KLHL1: variants seen among roughly 807,000 people sequenced by gnomAD.
KLHL1 encodes the protein kelch-like protein 1.
A neutral mutation model predicts 77.7 loss-of-function variants in KLHL1; 47 were observed. The ratio of observed to expected loss-of-function variants is 0.60; its 90% CI spans 0.48 to 0.77. KLHL1 has a LOEUF of 0.77. Ranked by LOEUF, KLHL1 falls within the 30% of genes least tolerant of loss-of-function variation. The probability of loss-of-function intolerance (pLI) is 0.00; values close to 1 mark genes in which losing one functional copy is unlikely to be tolerated. For synonymous variants in KLHL1, 360 were observed against 325.2 expected (o/e 1.11, Z -1.15); for missense variants, 925 against 910.8 (o/e 1.02, Z -0.20).
chr13:69,708,663 AAATATTTTATATTTTG>A (rs1875740951), intron 9 of KLHL1, among the ~76,000 whole-genome samples: 2 of 152,108 alleles, frequency 1.3e-5, no homozygotes, highest in South Asian at 4.1e-4. Context: ...TACTACATAC[AAATATTTTATATTTTG>A]AGTAGCAAAA....
At position 69,840,698 on chromosome 13, in the gene KLHL1, A is replaced by ATGTATG. The variant is rs755515234; in HGVS notation, c.1228-1537_1228-1536insCATACA. Among the ~76,000 whole-genome samples the ATGTATG allele has an allele frequency of 9.3e-3, 1,357 of 146,318 alleles. 24 individuals carry two copies. Among genetic ancestry groups the ATGTATG allele is most frequent in the African/African-American group, 0.031 (1,247 of 39,606 alleles). On this transcript the variant is annotated intron_variant, in intron 5 of 10. Coordinates refer to ENST00000377844, the MANE Select transcript of KLHL1 (RefSeq NM_020866.3). ...GAACATTAACTTTATATATATATATATATGTATGTATGTATGTATGTATGT... is the reference window on the plus strand; with the variant it reads ...GAACATTAACTTTATATATATATATATGTATGTATGTATGTATGTATGTATGTATGT...
intron 7 of KLHL1, among the ~76,000 whole-genome samples, chr13:69,792,541 C>T (rs1397179640): frequency 6.6e-6 from 1 of 151,910 alleles, no homozygotes; most frequent in Non-Finnish European, 1.5e-5. Flanking sequence ...CTCAATAATC[C>T]CACACCTACA....
chr13:69,770,736 A>T (rs1278289431), intron 7 of KLHL1, among the ~76,000 whole-genome samples: 1 of 152,140 alleles, frequency 6.6e-6, no homozygotes, highest in African/African-American at 2.4e-5. Context: ...ATAAGATCCT[A>T]ATCATTCTAT....
intron 1 of KLHL1, among the ~76,000 whole-genome samples, chr13:70,098,880 C>A (rs1464351481): frequency 6.6e-6 from 1 of 151,456 alleles, no homozygotes; most frequent in Non-Finnish European, 1.5e-5. Flanking sequence ...AATAAACAAC[C>A]ACTAGATGGC....
intron 5 of KLHL1, 152 bp from the exon 6 acceptor site, chr13:69,839,314 A>G (rs975097483): frequency 2.0e-5 from 9 of 448,708 alleles, no homozygotes; most frequent in Non-Finnish European, 3.1e-5. Flanking sequence ...AACAAATAAA[A>G]ATGTATAAAA....
At chr13:70,058,006 T>C (rs950491951) in intron 1 of KLHL1, among the ~76,000 whole-genome samples, 6 of 152,122 alleles carry the variant, frequency 3.9e-5, no homozygotes, top group African/African-American at 1.4e-4. Flanking sequence ...ATAATTTCAA[T>C]TGATGCTGAC....
intron 1 of KLHL1, among the ~76,000 whole-genome samples, chr13:70,102,366 T>C (rs1887941667): frequency 1.3e-5 from 2 of 152,184 alleles, no homozygotes; most frequent in Admixed American, 1.3e-4. Context: ...TAAAATACAC[T>C]GAATGAACTA....
intron 6 of KLHL1, among the ~76,000 whole-genome samples, chr13:69,835,220 C>T (rs74090481): frequency 0.09 from 13,646 of 152,110 alleles, 1,204 homozygotes; most frequent in African/African-American, 0.23. Context: ...AGAAAAAGGA[C>T]ACTTCTGACT....
At chr13:69,868,058 A>G (rs975864862) in intron 5 of KLHL1, among the ~76,000 whole-genome samples, 3 of 152,166 alleles carry the variant, frequency 2.0e-5, no homozygotes, top group Admixed American at 6.6e-5. Context: ...TAATTTTGGA[A>G]AAAATATTAA....
intron 4 of KLHL1, 29 bp downstream of exon 4, chr13:69,940,011 T>C (rs1485087509): frequency 2.6e-6 from 4 of 1,517,198 alleles, no homozygotes; most frequent in Admixed American, 1.9e-5. Flanking sequence ...AGAGTGTGTC[T>C]CCATTATTAA....
chr13:70,047,521 CTG>C (rs1274996619), intron 1 of KLHL1, among the ~76,000 whole-genome samples: 1 of 152,072 alleles, frequency 6.6e-6, no homozygotes, highest in Admixed American at 6.6e-5. Context: ...ACCCCACTCA[CTG>C]TTTCTCAATA....
At chr13:70,046,636 C>T (rs1566529521) in intron 1 of KLHL1, among the ~76,000 whole-genome samples, 1 of 152,118 alleles carries the variant, frequency 6.6e-6, no homozygotes, top group Non-Finnish European at 1.5e-5. Context: ...TACAGGAGTG[C>T]ACCACCATAC....
At chr13:69,957,744 C>T (rs545461719) in intron 3 of KLHL1, among the ~76,000 whole-genome samples, 8 of 151,906 alleles carry the variant, frequency 5.3e-5, no homozygotes, top group African/African-American at 1.9e-4. Flanking sequence ...CTTTATAACA[C>T]ACTCTCTTTA....
chr13:69,786,848 T>G (rs552402722), intron 7 of KLHL1, among the ~76,000 whole-genome samples: 1 of 152,260 alleles, frequency 6.6e-6, no homozygotes, highest in South Asian at 2.1e-4. Flanking sequence ...TCACAAGCAT[T>G]CTTATACACC....
In KLHL1 at chr13:70,001,581, G is replaced by GTCTATCTATCTATCTA. The variant is rs71116971; in HGVS notation, c.498-25795_498-25780dup. Among the ~76,000 whole-genome samples the GTCTATCTATCTATCTA allele has an allele frequency of 1.7e-3, 247 of 146,728 alleles. 2 individuals carry two copies. The highest frequency in any genetic ancestry group is 6.1e-3 in the Middle Eastern group (1 of 164). The stretch of plus-strand genomic sequence containing the variant: ...TGGGATATCTATCTATGATCTATGT[G>GTCTATCTATCTATCTA]TCTATCTATCTATCTATCTATCTAT... On this transcript the variant is annotated intron_variant, in intron 1 of 10. Transcript: ENST00000377844.
chr13:70,102,081 C>T (rs554709524), intron 1 of KLHL1, among the ~76,000 whole-genome samples: 2 of 152,098 alleles, frequency 1.3e-5, no homozygotes, highest in South Asian at 2.1e-4. Context: ...TTGAGAACCA[C>T]GTTCCTGAGA....
In KLHL1 at chr13:69,908,242, A is replaced by C. The variant is rs561472694; in HGVS notation, c.1015-25747T>G. Among the ~76,000 whole-genome samples the C allele has an allele frequency of 1.1e-4, 16 of 151,838 alleles. No individual in the cohort carries two copies. In the East Asian group the frequency reaches 2.9e-3, roughly 28 times the overall value. On this transcript the variant is annotated intron_variant, in intron 4 of 10. Transcript: ENST00000377844. The stretch of plus-strand genomic sequence containing the variant: ...CCAGAACCATGGGGGTTAGTGTGGA[A>C]TGGGTGAGTGAGAGGGATAGAGAGA...
chr13:69,704,821 C>T (rs1198641305), intron 10 of KLHL1, among the ~76,000 whole-genome samples: 2 of 151,528 alleles, frequency 1.3e-5, no homozygotes, highest in Admixed American at 6.6e-5. Flanking sequence ...AAAGGTTGGC[C>T]ACAGAACCAA....
chr13:70,032,915 C>T (rs1486669683), intron 1 of KLHL1, among the ~76,000 whole-genome samples: 1 of 152,090 alleles, frequency 6.6e-6, no homozygotes, highest in East Asian at 1.9e-4. Context: ...ATCATTATTA[C>T]TTTTCAATTT....
Sources: gnomAD v4.1 joint callset for allele counts (sites outside exome capture counted in the v4.1 genomes callset) on GRCh38, gnomAD v4.1.1 for gene constraint, MANE v1.5 for transcripts, NCBI Gene and HGNC (gene_info 2026-07-23, HGNC 2026-07-21) for gene names.